The following DHRS12 variants were observed in gnomAD, a reference collection of about 807,000 sequenced individuals.
The protein encoded by DHRS12 is dehydrogenase/reductase SDR family member 12.
DHRS12 carries 29 observed loss-of-function variants against 32.1 expected under a neutral mutation model. The ratio of observed to expected loss-of-function variants is 0.90; its 90% confidence interval spans 0.67 to 1.23. The LOEUF (loss-of-function observed/expected upper bound fraction) is 1.23. Ranked by LOEUF, DHRS12 falls within the 50% of genes most tolerant of loss-of-function variation. DHRS12 has a pLI of 0.00. For synonymous variants in DHRS12, 150 were observed against 135.9 expected, an observed-to-expected ratio of 1.10 and a Z score of -0.72; for missense variants, 330 against 337.2, an observed-to-expected ratio of 0.98 and a Z score of 0.17.
chr13:51,800,995 G>C (rs536779432), intron 1 of DHRS12, among the ~76,000 whole-genome samples: 1 of 152,240 alleles, frequency 6.6e-6, no homozygotes, highest in East Asian at 1.9e-4. Flanking sequence ...TGAACAACCT[G>C]GGTTTAAGTC....
intron 6 of DHRS12, among the ~76,000 whole-genome samples, chr13:51,773,555 G>C (rs1047881161): frequency 2.0e-5 from 3 of 152,026 alleles, no homozygotes; most frequent in African/African-American, 7.2e-5. Flanking sequence ...TCAATGTGCC[G>C]CCCCTCCCAG....
intron 5 of DHRS12, 97 bp from the exon 6 acceptor site, chr13:51,774,131 G>A (rs1157326997): frequency 1.8e-6 from 2 of 1,099,314 alleles, no homozygotes; most frequent in Non-Finnish European, 2.7e-6. Flanking sequence ...TGTGACCAAT[G>A]ACCACAAAAT....
intron 1 of DHRS12, 57 bp downstream of exon 1, chr13:51,803,997 G>A: frequency 2.1e-6 from 3 of 1,401,588 alleles, no homozygotes; most frequent in African/African-American, 1.5e-5. Context: ...CTGCTCGCCC[G>A]CGCCGAGGCG....
At chr13:51,769,380 G>A in intron 7 of DHRS12, 87 bp from the exon 8 acceptor site, 3 of 1,044,042 alleles carry the variant, frequency 2.9e-6, no homozygotes, top group South Asian at 1.7e-5. Flanking sequence ...AAAAAAAAGT[G>A]CAAAAATGAA....
intron 7 of DHRS12, chr13:51,771,481 C>A (rs761745872): frequency 1.2e-6 from 2 of 1,614,174 alleles, no homozygotes; most frequent in Admixed American, 3.3e-5. Flanking sequence ...TTCCTCAGCT[C>A]CTGCTCATTC....
At chr13:51,797,748 A>G (rs1593567584) in intron 2 of DHRS12, 1 of 1,408,746 alleles carries the variant, frequency 7.1e-7, no homozygotes, top group Admixed American at 2.0e-5. Context: ...ACCCAGGGAA[A>G]GCGGGTAGGA....
At chr13:51,786,684 G>A (rs887036323) in intron 4 of DHRS12, among the ~76,000 whole-genome samples, 3 of 152,154 alleles carry the variant, frequency 2.0e-5, no homozygotes, top group African/African-American at 7.2e-5. Context: ...CCGTGTGTAG[G>A]CATGGGTGCT....
In DHRS12 at chr13:51,769,255, C is replaced by T. The variant is rs10676; in HGVS notation, c.598G>A (p.Gly200Arg). ...TGGGCCTCGGAGCGCAGGCGGTCCC[C>T]GAACCTGGCGTGGAACCCCGGCATC... ...QAMPGFHARF[G>R]DRLRSEAQGA... Residue 200 changes from glycine to arginine, a missense_variant, in exon 8 of 9, where the codon GGG (glycine) becomes AGG (arginine). By Grantham distance (125) the Gly-to-Arg change is moderately radical. Coordinates refer to ENST00000444610, the MANE Select transcript of DHRS12 (RefSeq NM_001377533.1). 145,033 of 1,587,950 alleles carry T rather than the reference C, an allele frequency of 0.091. 8,903 individuals carry two copies. The highest frequency in any genetic ancestry group is 0.26 in the Admixed American group (14,834 of 57,218).
chr13:51,787,733 TATA>T (rs928223886), intron 4 of DHRS12, among the ~76,000 whole-genome samples: 18 of 128,126 alleles, frequency 1.4e-4, no homozygotes, highest in East Asian at 6.7e-4. Context: ...CATATATACA[TATA>T]ATTATATTAT....
At chr13:51,795,038 G>A (rs1221762480) in intron 2 of DHRS12, among the ~76,000 whole-genome samples, 1 of 152,024 alleles carries the variant, frequency 6.6e-6, no homozygotes, top group Non-Finnish European at 1.5e-5. Context: ...ACCTCAGCAT[G>A]ATATTCACCT....
At chr13:51,758,745 G>A in the DHRS12 span, among the ~76,000 whole-genome samples, 2 of 152,080 alleles carry the variant, frequency 1.3e-5, no homozygotes, top group Non-Finnish European at 2.9e-5. Flanking sequence ...ATATGTAGCA[G>A]TCAAAACGGT....
At chr13:51,799,763 T>C in intron 1 of DHRS12, 96 bp from the exon 2 acceptor site, 1 of 1,430,282 alleles carries the variant, frequency 7.0e-7, no homozygotes, top group African/African-American at 1.4e-5. Flanking sequence ...GCATTATTGC[T>C]GTCTCCGCCT....
Position 51,787,596 on chromosome 13 carries a change from A to C in DHRS12, c.301+2415T>G, listed in dbSNP as rs189673898. Among the ~76,000 whole-genome samples, 321 of 150,286 alleles carry C rather than the reference A, an allele frequency of 2.1e-3. 1 individual carries two copies. Among genetic ancestry groups the C allele is most frequent in the African/African-American group, 7.3e-3 (296 of 40,782 alleles). On this transcript the variant is annotated intron_variant, in intron 4 of 8. Coordinates refer to ENST00000444610, the MANE Select transcript of DHRS12 (RefSeq NM_001377533.1). ...CACTTGACCTTGGGCAAGTGAAACA[A>C]TCTCTCTCAACCTCAGTTTCCTCAT...
At chr13:51,774,148 C>T (rs1489882637) in intron 5 of DHRS12, 114 bp from the exon 6 acceptor site, 1 of 797,666 alleles carries the variant, frequency 1.3e-6, no homozygotes, top group Non-Finnish European at 2.1e-6. Flanking sequence ...AAATTAGTGG[C>T]TTGAAGCAAC....
At chr13:51,790,991 C>T (rs930754056) in intron 3 of DHRS12, among the ~76,000 whole-genome samples, 174 bp downstream of exon 3, 4 of 152,160 alleles carry the variant, frequency 2.6e-5, no homozygotes, top group East Asian at 3.8e-4. Context: ...TAACCACATG[C>T]GTCTCCTCTT....
At chr13:51,758,579 A>G in the DHRS12 span, among the ~76,000 whole-genome samples, 1 of 150,722 alleles carries the variant, frequency 6.6e-6, no homozygotes, top group African/African-American at 2.4e-5. Context: ...AAAAGTTACC[A>G]TTGAAGGTGA....
At chr13:51,798,431 CCAT>C (rs998493955) in intron 2 of DHRS12, among the ~76,000 whole-genome samples, 9 of 152,230 alleles carry the variant, frequency 5.9e-5, no homozygotes, top group African/African-American at 2.2e-4. Context: ...AAATGCCACA[CCAT>C]CATCAATCAA....
downstream of DHRS12, chr13:51,766,803 A>G (rs546313092): frequency 6.6e-6 from 1 of 152,368 alleles, no homozygotes; most frequent in South Asian, 2.1e-4. Context: ...TTCTGCAGCT[A>G]TGGTCCCATC....
At chr13:51,797,922 A>G (rs981583974) in intron 2 of DHRS12, 10 of 1,535,604 alleles carry the variant, frequency 6.5e-6, no homozygotes, top group African/African-American at 4.1e-5. Context: ...GTGGAATTCA[A>G]TGAAACCATC....
Sources: allele counts gnomAD v4.1 joint callset (sites outside exome capture counted in the v4.1 genomes callset), GRCh38; gene constraint gnomAD v4.1.1; transcripts MANE v1.5; gene names NCBI Gene and HGNC (gene_info 2026-07-23, HGNC 2026-07-21).